Variants in PLCB4 observed in about 807,000 individuals in gnomAD.
PLCB4 encodes the protein phospholipase C beta 4.
In PLCB4, 77 loss-of-function variants were observed where a neutral mutation model predicts 178.8. The ratio of observed to expected loss-of-function variants is 0.43; its 90% CI spans 0.36 to 0.52. The LOEUF (loss-of-function observed/expected upper bound fraction) is 0.52, where lower values mean the gene tolerates loss of function less well. Among genes scored for constraint, PLCB4 ranks in the 20% least tolerant of loss-of-function variants. The probability of loss-of-function intolerance (pLI) is 0.00; values close to 1 mark genes in which losing one functional copy is unlikely to be tolerated. For missense variants in PLCB4, 1,024 were observed against 1,453.4 expected (o/e 0.70, Z 4.80); for synonymous variants, 496 against 490.8 (o/e 1.01, Z -0.14).
intron 35 of PLCB4, among the ~76,000 whole-genome samples, chr20:9,465,724 C>T (rs1191205632): frequency 1.3e-5 from 2 of 152,146 alleles, no homozygotes. Context: ...ATCCAACTTA[C>T]AAGAGATGTG....
chr20:9,429,990 A>G (rs773667672), intron 28 of PLCB4, among the ~76,000 whole-genome samples: 4 of 152,236 alleles, frequency 2.6e-5, no homozygotes, highest in Non-Finnish European at 4.4e-5. Flanking sequence ...CTTGGGCCAC[A>G]TTGGAAGAAT....
intron 39 of PLCB4, 62 bp downstream of exon 39, chr20:9,476,815 T>A (rs2044579860): frequency 9.0e-7 from 1 of 1,106,572 alleles, no homozygotes; most frequent in Non-Finnish European, 1.4e-6. Flanking sequence ...CCGTATTCTC[T>A]GTGCAGTCTC....
chr20:9,398,768 C>T (rs1322156772), intron 19 of PLCB4, among the ~76,000 whole-genome samples: 2 of 151,896 alleles, frequency 1.3e-5, no homozygotes, highest in East Asian at 1.9e-4. Flanking sequence ...GGCGCGATCT[C>T]GGCTCACTGC....
chr20:9,445,177 G>A (rs999621823), intron 32 of PLCB4, among the ~76,000 whole-genome samples: 1 of 152,054 alleles, frequency 6.6e-6, no homozygotes, highest in Non-Finnish European at 1.5e-5. Context: ...CTCCCTCACA[G>A]GTAAAGAAGA....
intron 4 of PLCB4, among the ~76,000 whole-genome samples, chr20:9,313,908 C>A (rs2094867213): frequency 6.6e-6 from 1 of 152,168 alleles, no homozygotes; most frequent in Non-Finnish European, 1.5e-5. Context: ...GTAGAATGAT[C>A]TCCTTGTGGT....
intron 28 of PLCB4, among the ~76,000 whole-genome samples, chr20:9,435,232 T>C (rs2148638387): frequency 6.6e-6 from 1 of 152,378 alleles, no homozygotes; most frequent in South Asian, 2.1e-4. Flanking sequence ...ATCAACTTGC[T>C]GAAAGTCACA....
At chr20:9,245,794 C>G (rs1203045226) in intron 3 of PLCB4, among the ~76,000 whole-genome samples, 1 of 151,744 alleles carries the variant, frequency 6.6e-6, no homozygotes. Context: ...GCCACATGTC[C>G]TGCTAATTTT....
intron 1 of PLCB4, among the ~76,000 whole-genome samples, chr20:9,070,362 A>G (rs1252891280): frequency 2.0e-5 from 3 of 152,150 alleles, no homozygotes; most frequent in African/African-American, 7.2e-5. Context: ...TGTTTTCAAG[A>G]CGGCTGTTTT....
chr20:9,462,216 C>T (rs2043447044), intron 35 of PLCB4, among the ~76,000 whole-genome samples: 1 of 152,072 alleles, frequency 6.6e-6, no homozygotes, highest in Non-Finnish European at 1.5e-5. Flanking sequence ...GGAATAGCAT[C>T]ATCATCAACA....
intron 1 of PLCB4, among the ~76,000 whole-genome samples, chr20:9,087,898 C>G (rs959041458): frequency 6.6e-6 from 1 of 152,182 alleles, no homozygotes; most frequent in Non-Finnish European, 1.5e-5. Context: ...TCCAGGCAGC[C>G]CACTCAGATG....
chr20:9,151,641 A>G (rs938254586), intron 2 of PLCB4, among the ~76,000 whole-genome samples: 2 of 152,148 alleles, frequency 1.3e-5, no homozygotes, highest in Non-Finnish European at 2.9e-5. Flanking sequence ...TGTAAGTCCA[A>G]TTAAACCTTT....
chr20:9,282,029 A>G (rs759004780), intron 3 of PLCB4, among the ~76,000 whole-genome samples: 4 of 152,036 alleles, frequency 2.6e-5, no homozygotes, highest in Non-Finnish European at 4.4e-5. Context: ...TGATTCTTAT[A>G]TATCACATAA....
chr20:9,428,305 C>T (rs1176147217), intron 28 of PLCB4, among the ~76,000 whole-genome samples: 1 of 152,104 alleles, frequency 6.6e-6, no homozygotes, highest in Non-Finnish European at 1.5e-5. Flanking sequence ...TTCTTGTGGC[C>T]TTTTCTGTAC....
At chr20:9,467,406 AC>A (rs2043866846) in intron 35 of PLCB4, among the ~76,000 whole-genome samples, 1 of 152,114 alleles carries the variant, frequency 6.6e-6, no homozygotes, top group Admixed American at 6.6e-5. Context: ...GTGCACATGC[AC>A]CCTAGAACTT....
At chr20:9,383,810 G>A (rs562874019) in intron 13 of PLCB4, among the ~76,000 whole-genome samples, 1 of 152,154 alleles carries the variant, frequency 6.6e-6, no homozygotes, top group African/African-American at 2.4e-5. Context: ...TTGGAAGTCA[G>A]ATAGGTCCAG....
At chr20:9,209,324 G>A (rs890797758) in intron 2 of PLCB4, among the ~76,000 whole-genome samples, 6 of 152,032 alleles carry the variant, frequency 3.9e-5, no homozygotes, top group Admixed American at 6.6e-5. Context: ...GAGTTACATA[G>A]ATGACAAATG....
chr20:9,115,713 G>T (rs1415210417), intron 2 of PLCB4, among the ~76,000 whole-genome samples: 1 of 151,528 alleles, frequency 6.6e-6, no homozygotes, highest in Non-Finnish European at 1.5e-5. Flanking sequence ...TGTAAATTTA[G>T]TGTAATTAAT....
intron 2 of PLCB4, among the ~76,000 whole-genome samples, chr20:9,206,283 CT>C (rs1255289232): frequency 2.9e-5 from 4 of 139,552 alleles, no homozygotes; most frequent in South Asian, 2.3e-4. Context: ...CTCCTCCTGC[CT>C]TTTTTTTCTT....
intron 2 of PLCB4, among the ~76,000 whole-genome samples, chr20:9,148,848 T>G (rs541329346): frequency 6.6e-6 from 1 of 152,348 alleles, no homozygotes; most frequent in Admixed American, 6.5e-5. Context: ...TAATTGAAAC[T>G]TCCAGCCTCA....
Sources: allele counts gnomAD v4.1 joint callset (sites outside exome capture counted in the v4.1 genomes callset), GRCh38; gene constraint gnomAD v4.1.1; transcripts MANE v1.5; gene names NCBI Gene and HGNC (gene_info 2026-07-23, HGNC 2026-07-21).